PTPRD: variants seen among roughly 807,000 people sequenced by gnomAD.
PTPRD encodes receptor-type tyrosine-protein phosphatase delta.
PTPRD carries 34 observed loss-of-function variants against 214.5 expected under a neutral mutation model. That is an observed-to-expected ratio of 0.16 (90% CI 0.12 to 0.21). The LOEUF (loss-of-function observed/expected upper bound fraction) is 0.21. PTPRD is among the 10% of genes least tolerant of loss of function. The probability of loss-of-function intolerance (pLI) is 1.00; values close to 1 mark genes in which losing one functional copy is unlikely to be tolerated. For missense variants in PTPRD, 2,545 were observed against 2,398.7 expected, an observed-to-expected ratio of 1.06 and a Z score of -1.27; for synonymous variants, 1,128 against 845.7, an observed-to-expected ratio of 1.33 and a Z score of -5.79.
At chr9:9,158,384 G>A (rs541114517) in intron 10 of PTPRD, among the ~76,000 whole-genome samples, 14 of 152,142 alleles carry the variant, frequency 9.2e-5, no homozygotes, top group African/African-American at 3.4e-4. Context: ...GGCAGATCAC[G>A]AGGTCAGGAG....
At chr9:9,950,885 C>T (rs1172479906) in intron 4 of PTPRD, among the ~76,000 whole-genome samples, 2 of 152,100 alleles carry the variant, frequency 1.3e-5, no homozygotes, top group African/African-American at 4.8e-5. Flanking sequence ...ATAACAGTAG[C>T]AGCACATAAT....
chr9:9,333,867 T>C (rs1423965045), intron 9 of PTPRD, among the ~76,000 whole-genome samples: 4 of 151,932 alleles, frequency 2.6e-5, no homozygotes, highest in Non-Finnish European at 5.9e-5. Flanking sequence ...TAGTATATAT[T>C]ACTTAAACAC....
intron 7 of PTPRD, among the ~76,000 whole-genome samples, chr9:9,592,589 A>G (rs980833591): frequency 6.6e-6 from 1 of 151,846 alleles, no homozygotes; most frequent in East Asian, 1.9e-4. Flanking sequence ...CCTCTAGCCA[A>G]CTCTGTTAAG....
chr9:10,588,122 A>G (rs1208114527), intron 2 of PTPRD, among the ~76,000 whole-genome samples: 2 of 152,064 alleles, frequency 1.3e-5, no homozygotes, highest in Admixed American at 6.6e-5. Context: ...GCAGACAAAT[A>G]GGAGTCCCAT....
chr9:10,016,976 G>A (rs1004304735), intron 4 of PTPRD, among the ~76,000 whole-genome samples: 4 of 152,114 alleles, frequency 2.6e-5, no homozygotes, highest in African/African-American at 9.7e-5. Flanking sequence ...TTGTACATTT[G>A]TAAGCATTTC....
chr9:9,218,577 C>T (rs1001518761), intron 9 of PTPRD, among the ~76,000 whole-genome samples: 2 of 152,182 alleles, frequency 1.3e-5, no homozygotes, highest in South Asian at 4.1e-4. Context: ...CTAAGTGAGA[C>T]AAATGAAAGC....
At chr9:10,490,703 T>C (rs1196556333) in intron 2 of PTPRD, among the ~76,000 whole-genome samples, 4 of 152,174 alleles carry the variant, frequency 2.6e-5, no homozygotes, top group Non-Finnish European at 5.9e-5. Context: ...TATTTCACAC[T>C]CTAGTTTTTA....
intron 2 of PTPRD, among the ~76,000 whole-genome samples, chr9:10,407,683 G>C (rs1311990615): frequency 2.0e-5 from 3 of 151,418 alleles, no homozygotes; most frequent in Non-Finnish European, 4.4e-5. Flanking sequence ...TTCTATATCA[G>C]TATGTTTAAA....
At chr9:9,220,669 A>G (rs1247010944) in intron 9 of PTPRD, among the ~76,000 whole-genome samples, 1 of 152,072 alleles carries the variant, frequency 6.6e-6, no homozygotes, top group African/African-American at 2.4e-5. Flanking sequence ...ATATTGATGT[A>G]GTTAGTATTC....
chr9:8,490,850 T>C (rs552627009), intron 27 of PTPRD, among the ~76,000 whole-genome samples: 1 of 152,222 alleles, frequency 6.6e-6, no homozygotes, highest in South Asian at 2.1e-4. Context: ...GGAAGTTTAC[T>C]ATTAAAATAA....
intron 7 of PTPRD, among the ~76,000 whole-genome samples, chr9:9,716,061 A>C (rs527772350): frequency 1.4e-5 from 2 of 143,504 alleles, no homozygotes; most frequent in South Asian, 2.2e-4. Context: ...TGTCCATGTG[A>C]TCTCATTGTT....
At chr9:9,364,742 A>T (rs767235098) in intron 9 of PTPRD, among the ~76,000 whole-genome samples, 4 of 151,444 alleles carry the variant, frequency 2.6e-5, no homozygotes, top group Non-Finnish European at 4.4e-5. Context: ...CTGCTATAAG[A>T]ATTGTGGCTT....
At chr9:10,139,940 A>C (rs1695804273) in intron 3 of PTPRD, among the ~76,000 whole-genome samples, 2 of 152,158 alleles carry the variant, frequency 1.3e-5, no homozygotes, top group Non-Finnish European at 2.9e-5. Flanking sequence ...AAATTCTAGA[A>C]GAAAATCCAG....
chr9:9,997,658 T>G (rs2096174111), intron 4 of PTPRD, among the ~76,000 whole-genome samples: 1 of 152,176 alleles, frequency 6.6e-6, no homozygotes, highest in Admixed American at 6.5e-5. Context: ...AAAAGAGTTC[T>G]TGGTAAGGCT....
chr9:10,014,701 G>A (rs2096666098), intron 4 of PTPRD, among the ~76,000 whole-genome samples: 1 of 152,084 alleles, frequency 6.6e-6, no homozygotes, highest in East Asian at 1.9e-4. Flanking sequence ...GGAAAGGAGA[G>A]AAACACTTTG....
intron 11 of PTPRD, among the ~76,000 whole-genome samples, chr9:8,789,353 A>G (rs1451632872): frequency 6.6e-6 from 1 of 152,240 alleles, no homozygotes; most frequent in African/African-American, 2.4e-5. Context: ...AAATGGAAAC[A>G]GACTTCCTTC....
At chr9:10,493,909 C>A (rs1471263785) in intron 2 of PTPRD, among the ~76,000 whole-genome samples, 5 of 151,904 alleles carry the variant, frequency 3.3e-5, no homozygotes, top group Non-Finnish European at 7.4e-5. Flanking sequence ...ACTAATACAG[C>A]AATTATGGCT....
chr9:9,106,782 T>C (rs1207745557), intron 10 of PTPRD, among the ~76,000 whole-genome samples: 2 of 152,142 alleles, frequency 1.3e-5, no homozygotes, highest in African/African-American at 4.8e-5. Flanking sequence ...TCTCCATGTA[T>C]TTTTTAATGA....
At chr9:10,197,942 T>C (rs1421119077) in intron 3 of PTPRD, among the ~76,000 whole-genome samples, 1 of 152,098 alleles carries the variant, frequency 6.6e-6, no homozygotes, top group Non-Finnish European at 1.5e-5. Context: ...ACTTAATACT[T>C]CTATGAAGTA....
Sources: allele counts gnomAD v4.1 joint callset (sites outside exome capture counted in the v4.1 genomes callset), GRCh38; gene constraint gnomAD v4.1.1; transcripts MANE v1.5; gene names NCBI Gene and HGNC (gene_info 2026-07-23, HGNC 2026-07-21).